The following PHF2 variants were observed in gnomAD, a reference collection of about 807,000 sequenced individuals.
PHF2 encodes PHD finger protein 2.
In PHF2, 27 loss-of-function variants were observed where a neutral mutation model predicts 120.5. That is an observed-to-expected ratio of 0.22 (90% CI 0.17 to 0.31). The LOEUF is 0.31. Among genes scored for constraint, PHF2 ranks in the 10% least tolerant of loss-of-function variants. The probability of loss-of-function intolerance (pLI) is 1.00; values close to 1 mark genes in which losing one functional copy is unlikely to be tolerated. For synonymous variants in PHF2, 568 were observed against 592.5 expected (o/e 0.96, Z 0.60); for missense variants, 1,024 against 1,434.8 (o/e 0.71, Z 4.63).
chr9:93,674,666 G>T (rs371466439), intron 18 of PHF2, among the ~76,000 whole-genome samples: 7 of 152,206 alleles, frequency 4.6e-5, no homozygotes, highest in Admixed American at 2.6e-4. Flanking sequence ...CACAGATGAG[G>T]CTGGGCAGGT....
In PHF2 at chr9:93,576,794, C is replaced by A; in HGVS notation, c.21C>A (p.Tyr7Ter). 1 of 1,282,148 alleles carries A rather than the reference C, an allele frequency of 7.8e-7. No individual in the cohort carries two copies. The allele number at this position is 1,282,148 out of a possible 1,614,324, so 79.4% of individuals were successfully genotyped here. Residue 7 changes from tyrosine (Y) to a stop codon, truncating the protein, a stop_gained, in exon 1 of 22, where the codon TAC (tyrosine) becomes TAA (stop). Coordinates refer to ENST00000359246, the MANE Select transcript of PHF2 (RefSeq NM_005392.4). LOFTEE classifies it high-confidence loss of function. MATVPVYCVCRLPYDVT... is the reference protein window; with the variant it reads MATVPV ...GCAACATGGCGACGGTGCCCGTGTACTGCGTCTGCCGGCTCCCCTACGACG... is the reference window on the plus strand; with the variant it reads ...GCAACATGGCGACGGTGCCCGTGTAATGCGTCTGCCGGCTCCCCTACGACG...
chr9:93,660,462 T>A lies in PHF2; in HGVS notation c.1600T>A (p.Ser534Thr). 1 of 1,556,482 alleles carries A rather than the reference T, an allele frequency of 6.4e-7. No homozygotes were observed. Among genetic ancestry groups the A allele is most frequent in the Non-Finnish European group, 8.6e-7 (1 of 1,161,244 alleles). The stretch of plus-strand genomic sequence containing the variant: ...TGGAGGCAAGAAGAAAGGGAAGAAG[T>A]CCCGGGAGTCAGCCTCACCCACCAT... ...KDGGKKKGKK[S>T]RESASPTIPN... The change falls in exon 12 of 22, where the codon TCC (serine) becomes ACC (threonine). Residue 534 changes from serine (S) to threonine (T), a missense_variant. By Grantham distance (58) the Ser-to-Thr change is moderately conservative. This residue lies in a region of PHF2 where 677 missense variants were observed against 857.4 expected (regional missense o/e 0.79). Coordinates refer to ENST00000359246, the MANE Select transcript of PHF2 (RefSeq NM_005392.4).
chr9:93,659,802 C>T (rs1181170825), intron 11 of PHF2, among the ~76,000 whole-genome samples: 6 of 152,214 alleles, frequency 3.9e-5, no homozygotes, highest in African/African-American at 1.2e-4. Flanking sequence ...GGGTCTGTGT[C>T]CTGGTGTGAG....
intron 9 of PHF2, 76 bp from the exon 10 acceptor site, chr9:93,658,069 C>A (rs1587711285): frequency 3.1e-6 from 3 of 962,296 alleles, no homozygotes; most frequent in Non-Finnish European, 4.9e-6. Context: ...ATCCCCCGGT[C>A]TGGCTATGTG....
At chr9:93,590,624 C>T (rs1290946487) in intron 1 of PHF2, among the ~76,000 whole-genome samples, 1 of 152,218 alleles carries the variant, frequency 6.6e-6, no homozygotes, top group Non-Finnish European at 1.5e-5. Context: ...AAGTTGTAAA[C>T]ATGGTACCAA....
Position 93,649,229 on chromosome 9 carries a change from TG to T in PHF2, c.602+22del. The T allele has an allele frequency of 1.1e-6, 1 of 880,952 alleles. No homozygotes were observed. Among genetic ancestry groups the T allele is most frequent in the South Asian group, 1.4e-5 (1 of 71,914 alleles). 54.6% of individuals were successfully genotyped at this position (880,952 alleles called of 1,614,324 possible). A position where few individuals can be genotyped will look rare whatever the true frequency, so the allele number is the denominator to read the frequency against. On this transcript the variant is annotated intron_variant, in intron 5 of 21. Coordinates refer to ENST00000359246, the MANE Select transcript of PHF2 (RefSeq NM_005392.4). ...TGACACCCGGTGAGTGCTACCACCC[TG>T]GGGGTGTGGGGGCTGGGGTTGGGGC...
Position 93,677,453 on chromosome 9 carries a change from C to G in PHF2, c.3203-135C>G, listed in dbSNP as rs1826939320. Reference sequence around the variant, plus strand: ...GGTGCTGAGCTCGGAGCTGGGGCTTCATAGGCCCATTTTACAGATGGGGGA... The same window carrying G: ...GGTGCTGAGCTCGGAGCTGGGGCTTGATAGGCCCATTTTACAGATGGGGGA... On this transcript the variant is annotated intron_variant, in intron 21 of 21. Transcript: ENST00000359246. This position sits in a 1 kb window ranked among gnomAD's most constrained non-coding sequence, Gnocchi z 4.4. The G allele has an allele frequency of 1.4e-6, 1 of 705,738 alleles. No individual in the cohort carries two copies. Among genetic ancestry groups the G allele is most frequent in the East Asian group, 2.5e-5 (1 of 40,310 alleles). 43.7% of individuals were successfully genotyped at this position (705,738 alleles called of 1,614,324 possible).
intron 5 of PHF2, among the ~76,000 whole-genome samples, chr9:93,650,256 TGTG>T (rs1434467572): frequency 6.6e-6 from 1 of 151,858 alleles, no homozygotes; most frequent in Non-Finnish European, 1.5e-5. Context: ...TGGACACACT[TGTG>T]GGCACACTCA....
In PHF2 at chr9:93,650,199, C is replaced by T. The variant is rs372600425; in HGVS notation, c.602+987C>T. 5.3e-5 allele frequency among the ~76,000 whole-genome samples: 8 copies of T among 151,952 alleles called. No homozygotes were observed. The East Asian group carries it at 7.7e-4, about 15-fold the overall frequency. On this transcript the variant is annotated intron_variant, in intron 5 of 21. Transcript: ENST00000359246. ...CACCTGTGACACGTTCACAACACAC[C>T]GACACACTCACATGACATAGACATG...
rs935316787 is a variant in PHF2, at chr9:93,673,989, G to A, written c.2626+127G>A. Reference sequence around the variant, plus strand: ...CAGGCCTCAGCTCAGCAAAACCCTCGGCCTCTGACTGCTGTCCCCGGAGAC... The same window carrying A: ...CAGGCCTCAGCTCAGCAAAACCCTCAGCCTCTGACTGCTGTCCCCGGAGAC... On this transcript the variant is annotated intron_variant, in intron 18 of 21. Transcript: ENST00000359246. The A allele has an allele frequency of 3.8e-5, 40 of 1,043,320 alleles. No individual in the cohort carries two copies. The East Asian group carries it at 4.6e-4, about 12-fold the overall frequency. 64.6% of individuals were successfully genotyped at this position (1,043,320 alleles called of 1,614,324 possible).
In PHF2 at chr9:93,658,220, CGTGGACGAAGAAGCAGG is replaced by C. The variant is rs1460416585; in HGVS notation, c.1224_1239+1del. 1 of 1,611,730 alleles carries C rather than the reference CGTGGACGAAGAAGCAGG, an allele frequency of 6.2e-7. No individual in the cohort carries two copies. Among genetic ancestry groups the C allele is most frequent in the Admixed American group, 1.7e-5 (1 of 59,864 alleles). ...AAAATTCTCAATGGTGCTTTCCGAT[CGTGGACGAAGAAGCAGG>C]TAGGAATCATGTCACAAATGCCCTA... On this transcript the variant is annotated splice_donor_variant and coding_sequence_variant, in exon 10 of 22. Transcript: ENST00000359246. LOFTEE classifies it high-confidence loss of function.
chr9:93,629,144 G>T (rs182353187), intron 1 of PHF2, among the ~76,000 whole-genome samples: 1 of 151,916 alleles, frequency 6.6e-6, no homozygotes, highest in Non-Finnish European at 1.5e-5. Context: ...CAAGTGATCC[G>T]CCCACCTCGG....
chr9:93,577,752 C>T (rs753307253), intron 1 of PHF2, among the ~76,000 whole-genome samples: 1 of 152,236 alleles, frequency 6.6e-6, no homozygotes, highest in Non-Finnish European at 1.5e-5. Context: ...AACCCCCGCC[C>T]TCTTGGCCCT....
intron 6 of PHF2, among the ~76,000 whole-genome samples, chr9:93,654,165 C>T (rs1826417331): frequency 6.6e-6 from 1 of 152,210 alleles, no homozygotes. Context: ...GGCACCCACA[C>T]CATTTGTAGT....
intron 1 of PHF2, among the ~76,000 whole-genome samples, chr9:93,582,632 C>G (rs1299953661): frequency 6.6e-6 from 1 of 152,168 alleles, no homozygotes; most frequent in Non-Finnish European, 1.5e-5. Flanking sequence ...TACTTTTCTC[C>G]TGGACCCCCC....
At chr9:93,621,682 G>C (rs1212403660) in intron 1 of PHF2, among the ~76,000 whole-genome samples, 1 of 152,174 alleles carries the variant, frequency 6.6e-6, no homozygotes, top group Non-Finnish European at 1.5e-5. Context: ...TGTGCTGGCC[G>C]TGCACGTTCT....
Position 93,656,864 on chromosome 9 carries a change from C to A in PHF2, c.1147+269C>A, listed in dbSNP as rs985792938. ...GGTTGAGAGGGGTGAGTGTGCATGG[C>A]CTCAGTGCAGGTATCAATCACACCT... On this transcript the variant is annotated intron_variant, in intron 9 of 21. Coordinates refer to ENST00000359246, the MANE Select transcript of PHF2 (RefSeq NM_005392.4). The surrounding 1 kb of genome is among the most constrained non-coding windows in gnomAD (Gnocchi z 4.1). Among the ~76,000 whole-genome samples, 3 of 152,192 alleles carry A rather than the reference C, an allele frequency of 2.0e-5. No individual in the cohort carries two copies. The highest frequency in any genetic ancestry group is 1.5e-5 in the Non-Finnish European group (1 of 68,024).
intron 2 of PHF2, among the ~76,000 whole-genome samples, chr9:93,631,356 C>T (rs925534971): frequency 2.6e-5 from 4 of 152,264 alleles, no homozygotes; most frequent in African/African-American, 9.6e-5. Context: ...AATATGCAAG[C>T]GGGTGATGAG....
At chr9:93,667,430 A>G (rs1826703418) in intron 17 of PHF2, among the ~76,000 whole-genome samples, 190 bp downstream of exon 17, 1 of 152,262 alleles carries the variant, frequency 6.6e-6, no homozygotes. Flanking sequence ...TTTCCTTTCA[A>G]TCAAGGGCTT....
Sources: gnomAD v4.1 joint callset for allele counts (sites outside exome capture counted in the v4.1 genomes callset) on GRCh38, gnomAD v4.1.1 for gene constraint, gnomAD v4.1.1 regional missense constraint, Gnocchi (gnomAD v3.1) non-coding constraint, MANE v1.5 for transcripts, NCBI Gene and HGNC (gene_info 2026-07-23, HGNC 2026-07-21) for gene names.